Variants in LRBA observed in about 807,000 individuals in gnomAD.
The protein encoded by LRBA is lipopolysaccharide-responsive and beige-like anchor protein.
A neutral mutation model predicts 330.0 loss-of-function variants in LRBA; 176 were observed. The ratio of observed to expected loss-of-function variants is 0.53; its 90% confidence interval spans 0.47 to 0.60. The LOEUF (loss-of-function observed/expected upper bound fraction) is 0.60, where lower values mean the gene tolerates loss of function less well. LRBA is among the 20% of genes least tolerant of loss of function. LRBA has a pLI of 0.00. For synonymous variants in LRBA, 1,230 were observed against 1,193.0 expected (o/e 1.03, Z -0.64); for missense variants, 3,259 against 3,444.8 (o/e 0.95, Z 1.35).
At chr4:150,787,716 A>G (rs1490017897) in intron 34 of LRBA, among the ~76,000 whole-genome samples, 1 of 151,714 alleles carries the variant, frequency 6.6e-6, no homozygotes, top group African/African-American at 2.4e-5. Context: ...TTGAATTATT[A>G]TTGACCATAG....
At chr4:150,727,682 C>A (rs1157093204) in intron 36 of LRBA, among the ~76,000 whole-genome samples, 4 of 151,444 alleles carry the variant, frequency 2.6e-5, no homozygotes, top group Non-Finnish European at 4.4e-5. Flanking sequence ...AATAAAAACA[C>A]AACATACTAA....
At chr4:150,861,827 T>C (rs1007956360) in intron 22 of LRBA, among the ~76,000 whole-genome samples, 1 of 152,098 alleles carries the variant, frequency 6.6e-6, no homozygotes, top group Admixed American at 6.6e-5. Flanking sequence ...TGTAAAAAGA[T>C]ATTTTCTGAC....
At chr4:150,975,858 G>T (rs575827860) in intron 2 of LRBA, among the ~76,000 whole-genome samples, 2 of 152,060 alleles carry the variant, frequency 1.3e-5, no homozygotes, top group Non-Finnish European at 2.9e-5. Context: ...CATGTCACTG[G>T]AGTTCCAAAA....
intron 56 of LRBA, among the ~76,000 whole-genome samples, chr4:150,272,759 A>G (rs1356958209): frequency 6.6e-6 from 1 of 151,958 alleles, no homozygotes; most frequent in Non-Finnish European, 1.5e-5. Flanking sequence ...AAGATTAGAG[A>G]AAAAAGAATG....
intron 37 of LRBA, among the ~76,000 whole-genome samples, chr4:150,610,911 T>C (rs1775193831): frequency 6.6e-6 from 1 of 152,154 alleles, no homozygotes; most frequent in Non-Finnish European, 1.5e-5. Flanking sequence ...AATGAAACAA[T>C]CAGTAATTCT....
chr4:150,862,703 G>A (rs1432565322), intron 22 of LRBA, among the ~76,000 whole-genome samples: 1 of 150,618 alleles, frequency 6.6e-6, no homozygotes, highest in African/African-American at 2.4e-5. Flanking sequence ...AAGTCCAGGT[G>A]CAGTCACGCA....
chr4:150,796,526 T>C (rs1740814212), intron 34 of LRBA, among the ~76,000 whole-genome samples: 1 of 152,002 alleles, frequency 6.6e-6, no homozygotes, highest in Non-Finnish European at 1.5e-5. Context: ...ACTTGAAACT[T>C]ACTGTACTAT....
In LRBA at chr4:150,638,071, CTATT is replaced by C. The variant is rs374204416; in HGVS notation, c.5922-38944_5922-38941del. 1.6e-3 allele frequency among the ~76,000 whole-genome samples: 244 copies of C among 151,812 alleles called. 1 individual carries two copies. Among genetic ancestry groups the C allele is most frequent in the Admixed American group, 3.7e-3 (56 of 15,226 alleles). On this transcript the variant is annotated intron_variant, in intron 37 of 56. Transcript: ENST00000651943. ...ATCCTACATTATACTGCATAATATTCTATTTGTTTACAATTTCTTTAATTATTTT... is the reference window on the plus strand; with the variant it reads ...ATCCTACATTATACTGCATAATATTCTGTTTACAATTTCTTTAATTATTTT...
At chr4:150,992,543 T>C (rs1434219823) in intron 2 of LRBA, among the ~76,000 whole-genome samples, 1 of 152,106 alleles carries the variant, frequency 6.6e-6, no homozygotes, top group Non-Finnish European at 1.5e-5. Flanking sequence ...GGAAAATATA[T>C]GGAGGTATAG....
At chr4:150,902,252 C>T (rs1730818851) in intron 13 of LRBA, among the ~76,000 whole-genome samples, 1 of 152,080 alleles carries the variant, frequency 6.6e-6, no homozygotes, top group Non-Finnish European at 1.5e-5. Flanking sequence ...AATAGACAGA[C>T]AGAATACAAG....
At chr4:150,329,682 C>T (rs1221565836) in intron 48 of LRBA, among the ~76,000 whole-genome samples, 4 of 152,216 alleles carry the variant, frequency 2.6e-5, no homozygotes, top group African/African-American at 7.2e-5. Flanking sequence ...TGCCCACTCC[C>T]ATGAAGTTTG....
chr4:150,475,730 AT>A (rs1581423659), intron 42 of LRBA, among the ~76,000 whole-genome samples: 1 of 149,802 alleles, frequency 6.7e-6, no homozygotes. Context: ...CCCTATCTCT[AT>A]AAAAAAAAAA....
At chr4:150,325,711 A>G in intron 49 of LRBA, 98 bp downstream of exon 49, 1 of 828,022 alleles carries the variant, frequency 1.2e-6, no homozygotes, top group Non-Finnish European at 2.1e-6. Context: ...ACAAACCCAC[A>G]TATGGTGGAG....
intron 34 of LRBA, among the ~76,000 whole-genome samples, chr4:150,789,032 C>T (rs781681559): frequency 6.6e-6 from 1 of 152,162 alleles, no homozygotes; most frequent in Admixed American, 6.5e-5. Flanking sequence ...CGAGATCATG[C>T]CACTGCACTC....
intron 17 of LRBA, among the ~76,000 whole-genome samples, chr4:150,879,407 CATCATAT>C (rs1728125724): frequency 6.6e-6 from 1 of 152,056 alleles, no homozygotes; most frequent in African/African-American, 2.4e-5. Context: ...CCACAGCTAA[CATCATAT>C]TAAACAGACA....
chr4:150,849,222 C>T (rs952116617), intron 25 of LRBA, among the ~76,000 whole-genome samples, 200 bp downstream of exon 25: 1 of 152,142 alleles, frequency 6.6e-6, no homozygotes, highest in African/African-American at 2.4e-5. Flanking sequence ...CACTAGCTGA[C>T]TCATACTTAG....
At chr4:150,761,181 CAA>C (rs1735032878) in intron 35 of LRBA, among the ~76,000 whole-genome samples, 1 of 152,072 alleles carries the variant, frequency 6.6e-6, no homozygotes, top group Non-Finnish European at 1.5e-5. Context: ...ATCATTTCCT[CAA>C]TTTCTTTTTA....
intron 37 of LRBA, among the ~76,000 whole-genome samples, chr4:150,633,917 C>A (rs1414690668): frequency 3.9e-5 from 6 of 152,172 alleles, no homozygotes; most frequent in Non-Finnish European, 8.8e-5. Flanking sequence ...GAGTTCGAGA[C>A]TAGCCTGGCC....
At chr4:150,536,901 A>G (rs979737669) in intron 40 of LRBA, among the ~76,000 whole-genome samples, 1 of 152,198 alleles carries the variant, frequency 6.6e-6, no homozygotes, top group African/African-American at 2.4e-5. Flanking sequence ...AAATGGCCAT[A>G]CTACCCAAAG....
Sources: gnomAD v4.1 joint callset for allele counts (sites outside exome capture counted in the v4.1 genomes callset) on GRCh38, gnomAD v4.1.1 for gene constraint, MANE v1.5 for transcripts, NCBI Gene and HGNC (gene_info 2026-07-23, HGNC 2026-07-21) for gene names.